CNTN6: variants seen among roughly 807,000 people sequenced by gnomAD.
The protein encoded by CNTN6 is contactin-6.
CNTN6 carries 137 observed loss-of-function variants against 122.8 expected under a neutral mutation model. The ratio of observed to expected loss-of-function variants is 1.12; its 90% CI spans 0.97 to 1.29. CNTN6 has a LOEUF of 1.29. Among genes scored for constraint, CNTN6 ranks in the 50% most tolerant of loss-of-function variants. The pLI is 0.00. For missense variants in CNTN6, 1,634 were observed against 1,223.4 expected, an observed-to-expected ratio of 1.34 and a Z score of -5.01; for synonymous variants, 570 against 426.0, an observed-to-expected ratio of 1.34 and a Z score of -4.16.
At chr3:1,251,376 G>A (rs1019892355) in intron 4 of CNTN6, among the ~76,000 whole-genome samples, 3 of 152,072 alleles carry the variant, frequency 2.0e-5, no homozygotes, top group Non-Finnish European at 4.4e-5. Flanking sequence ...TATAATTCAC[G>A]AATCCTAACA....
rs552192217 is a variant in CNTN6, at chr3:1,202,536, G to A, written c.56-18151G>A. Reference sequence around the variant, plus strand: ...AGCCTGGGCGACAGAGCCAGACTCCGTCTCAAAAAATAAATAAATAAATAA... The same window carrying A: ...AGCCTGGGCGACAGAGCCAGACTCCATCTCAAAAAATAAATAAATAAATAA... On this transcript the variant is annotated intron_variant, in intron 2 of 22. Coordinates refer to ENST00000446702, the MANE Select transcript of CNTN6 (RefSeq NM_001289080.2). Among the ~76,000 whole-genome samples, 183 of 113,380 alleles carry A rather than the reference G, an allele frequency of 1.6e-3. 4 individuals are homozygous for A. Among genetic ancestry groups the A allele is most frequent in the African/African-American group, 4.9e-3 (125 of 25,694 alleles). 74.4% of individuals were successfully genotyped at this position (113,380 alleles called of 152,430 possible).
chr3:1,166,236 C>T (rs527696232), intron 2 of CNTN6, among the ~76,000 whole-genome samples: 1 of 152,076 alleles, frequency 6.6e-6, no homozygotes, highest in African/African-American at 2.4e-5. Flanking sequence ...TGTGGAGGGG[C>T]TCTGAGTGGG....
At chr3:1,374,213 T>A (rs181224040) in intron 16 of CNTN6, 140 bp downstream of exon 16, 1 of 723,584 alleles carries the variant, frequency 1.4e-6, no homozygotes, top group Non-Finnish European at 2.1e-6. Context: ...CATTTTCTTT[T>A]ATTTTTACAT....
intron 5 of CNTN6, among the ~76,000 whole-genome samples, chr3:1,290,652 T>C (rs1231998596): frequency 2.6e-5 from 4 of 152,226 alleles, no homozygotes; most frequent in Non-Finnish European, 5.9e-5. Flanking sequence ...GAATGGCTAC[T>C]CCATAGACAT....
intron 12 of CNTN6, among the ~76,000 whole-genome samples, chr3:1,357,604 C>T (rs983951866): frequency 1.3e-5 from 2 of 151,832 alleles, no homozygotes; most frequent in African/African-American, 4.8e-5. Context: ...AGAACTTTAG[C>T]TTTCCTTCTT....
chr3:1,273,953 G>C (rs138021284), intron 4 of CNTN6, among the ~76,000 whole-genome samples: 1,780 of 152,230 alleles, frequency 0.012, 33 homozygotes, highest in African/African-American at 0.038. Flanking sequence ...CTGACAATGT[G>C]ACACTGAGAG....
chr3:1,295,714 GA>G lies in CNTN6; in HGVS notation c.569del (p.Asp190ValfsTer9), dbSNP rs1434177722. Reference sequence around the variant, plus strand: ...GTACATTGCCAAAGTGGAACCATCAGATGTGGGCAACTACACTTGCTTTATA... The same window carrying G: ...GTACATTGCCAAAGTGGAACCATCAGTGTGGGCAACTACACTTGCTTTATA... Reference protein sequence around the residue: ...NLYIAKVEPSDVGNYTCFITN... With the variant: ...NLYIAKVEPSXVGNYTCFITN... On this transcript the variant is annotated frameshift_variant, in exon 6 of 23. Coordinates refer to ENST00000446702, the MANE Select transcript of CNTN6 (RefSeq NM_001289080.2). LOFTEE classifies it high-confidence loss of function. The G allele has an allele frequency of 1.9e-6, 3 of 1,614,092 alleles. No individual in the cohort carries two copies. The highest frequency in any genetic ancestry group is 8.5e-7 in the Non-Finnish European group (1 of 1,179,954).
In CNTN6 at chr3:1,110,184, A is replaced by G. The variant is rs1026537945; in HGVS notation, c.-83+17064A>G. On this transcript the variant is annotated intron_variant, in intron 1 of 22. Coordinates refer to ENST00000446702, the MANE Select transcript of CNTN6 (RefSeq NM_001289080.2). Reference sequence around the variant, plus strand: ...AAGTCCTATAAAAACAGATAGAAGAATCACTTTTAAGTATTAATGTCAGAA... The same window carrying G: ...AAGTCCTATAAAAACAGATAGAAGAGTCACTTTTAAGTATTAATGTCAGAA... Among the ~76,000 whole-genome samples the G allele has an allele frequency of 2.6e-5, 4 of 152,172 alleles. No homozygotes were observed. In the East Asian group the frequency reaches 7.7e-4, roughly 29 times the overall value.
At chr3:1,158,030 T>A (rs1282738290) in intron 2 of CNTN6, among the ~76,000 whole-genome samples, 1 of 152,164 alleles carries the variant, frequency 6.6e-6, no homozygotes, top group East Asian at 1.9e-4. Flanking sequence ...GATTGCTGGA[T>A]CATATGGGGG....
intron 7 of CNTN6, among the ~76,000 whole-genome samples, chr3:1,299,282 G>T (rs1029187089): frequency 6.6e-6 from 1 of 151,978 alleles, no homozygotes; most frequent in African/African-American, 2.4e-5. Context: ...GGCTTTTTCA[G>T]AAGTTAAGGT....
chr3:1,215,815 A>C (rs7611622), intron 2 of CNTN6, among the ~76,000 whole-genome samples: 44,288 of 151,912 alleles, frequency 0.29, 9,841 homozygotes, highest in African/African-American at 0.62. Flanking sequence ...TTTGAATTTT[A>C]TTTTTATTAT....
intron 12 of CNTN6, among the ~76,000 whole-genome samples, chr3:1,369,993 A>G (rs1214669995): frequency 2.0e-5 from 3 of 152,118 alleles, no homozygotes; most frequent in African/African-American, 7.2e-5. Context: ...AGTCTAAAGT[A>G]TATAAAGTAA....
At chr3:1,402,814 A>G (rs1023171614) in intron 22 of CNTN6, 1 of 219,026 alleles carries the variant, frequency 4.6e-6, no homozygotes, top group Non-Finnish European at 9.1e-6. Flanking sequence ...CTTTTACAAC[A>G]GGAATGGCAA....
At chr3:1,295,516 G>T (rs1466239722) in intron 5 of CNTN6, 85 bp from the exon 6 acceptor site, 1 of 1,156,352 alleles carries the variant, frequency 8.6e-7, no homozygotes, top group Non-Finnish European at 1.2e-6. Flanking sequence ...TTATGGGGAA[G>T]TAAGACAAAG....
At chr3:1,243,898 T>C (rs552131677) in intron 4 of CNTN6, among the ~76,000 whole-genome samples, 1 of 151,964 alleles carries the variant, frequency 6.6e-6, no homozygotes, top group African/African-American at 2.4e-5. Flanking sequence ...TCAGCGATGC[T>C]TGGGGTTGGG....
chr3:1,349,478 A>G (rs113744681), intron 11 of CNTN6, among the ~76,000 whole-genome samples: 1,932 of 151,898 alleles, frequency 0.013, 45 homozygotes, highest in African/African-American at 0.044. Context: ...GTTATTACCA[A>G]TCCTTGAGAT....
At chr3:1,398,734 C>T (rs549834246) in intron 20 of CNTN6, among the ~76,000 whole-genome samples, 97 of 152,106 alleles carry the variant, frequency 6.4e-4, no homozygotes, top group Middle Eastern at 3.4e-3. Context: ...TGGGAAAATC[C>T]GGCTCTTGGA....
intron 4 of CNTN6, among the ~76,000 whole-genome samples, chr3:1,251,398 CCTT>C (rs1296657054): frequency 7.2e-5 from 11 of 152,166 alleles, no homozygotes; most frequent in Admixed American, 6.5e-4. Context: ...CTACTCCTGT[CCTT>C]CTCCTGCTTC....
At chr3:1,166,127 T>C (rs1231447207) in intron 2 of CNTN6, among the ~76,000 whole-genome samples, 2 of 152,222 alleles carry the variant, frequency 1.3e-5, no homozygotes, top group African/African-American at 2.4e-5. Flanking sequence ...GGGCAGCTCA[T>C]TGGCATCAAC....
Sources: gnomAD v4.1 joint callset for allele counts (sites outside exome capture counted in the v4.1 genomes callset) on GRCh38, gnomAD v4.1.1 for gene constraint, MANE v1.5 for transcripts, NCBI Gene and HGNC (gene_info 2026-07-23, HGNC 2026-07-21) for gene names.